The following KAT6B variants were observed in gnomAD, a reference collection of about 807,000 sequenced individuals.
KAT6B encodes lysine acetyltransferase 6B.
A neutral mutation model predicts 187.5 loss-of-function variants in KAT6B; 10 were observed. The ratio of observed to expected loss-of-function variants is 0.05; its 90% confidence interval spans 0.03 to 0.09. KAT6B has a LOEUF of 0.09. KAT6B is among the 10% of genes least tolerant of loss of function. KAT6B has a pLI of 1.00. For missense variants in KAT6B, 1,952 were observed against 2,558.9 expected, an observed-to-expected ratio of 0.76 and a Z score of 5.12; for synonymous variants, 861 against 926.8, an observed-to-expected ratio of 0.93 and a Z score of 1.29.
chr10:74,869,482 C>T (rs972665086), intron 3 of KAT6B, among the ~76,000 whole-genome samples: 1 of 152,090 alleles, frequency 6.6e-6, no homozygotes, highest in African/African-American at 2.4e-5. Context: ...TACAGGGTTT[C>T]GCCATGTTGG....
At chr10:74,986,456 A>G (rs1842817002) in intron 12 of KAT6B, among the ~76,000 whole-genome samples, 1 of 152,248 alleles carries the variant, frequency 6.6e-6, no homozygotes, top group African/African-American at 2.4e-5. Flanking sequence ...GCTTTATAGA[A>G]GTGCCATTTT....
intron 3 of KAT6B, among the ~76,000 whole-genome samples, chr10:74,916,501 T>C (rs1315295375): frequency 6.6e-6 from 1 of 152,224 alleles, no homozygotes; most frequent in Admixed American, 6.5e-5. Flanking sequence ...GAATTTCATG[T>C]ATTATGATTT....
intron 4 of KAT6B, 37 bp from the exon 5 acceptor site, chr10:74,969,623 C>A: frequency 8.1e-7 from 1 of 1,239,860 alleles, no homozygotes; most frequent in Non-Finnish European, 1.2e-6. Flanking sequence ...GTCAAAGGCA[C>A]CATTCCCATC....
intron 3 of KAT6B, among the ~76,000 whole-genome samples, chr10:74,949,685 TCCG>T: frequency 1.1e-5 from 1 of 93,846 alleles, no homozygotes; most frequent in African/African-American, 1.4e-4. Context: ...CTCGTCTTAC[TCCG>T]TTATGGCTAA....
Position 74,975,533 on chromosome 10 carries a change from T to C in KAT6B, c.1196T>C (p.Leu399Ser), listed in dbSNP as rs1039647483. The change falls in exon 8 of 18, where the codon TTG becomes TCG. Residue 399 changes from leucine to serine, a missense_variant. Physicochemically the swap from Leu to Ser is moderately radical, Grantham distance 145. Around this residue, in one of 9 missense-constraint regions of KAT6B, gnomAD observed 417 missense variants for 508.9 expected, o/e 0.82. Transcript: ENST00000287239. Reference protein sequence around the residue: ...AASGKDSSSRLAVTDPTRPGA... With the variant: ...AASGKDSSSRSAVTDPTRPGA... ...TCTGGGAAGGACTCAAGCAGCAGAT[T>C]GGCTGTTACAGACCCCACTCGGCCT... is the stretch of plus-strand genomic sequence containing the variant. 15 of 1,613,922 alleles carry C rather than the reference T, an allele frequency of 9.3e-6. No homozygotes were observed. The highest frequency in any genetic ancestry group is 1.2e-5 in the Non-Finnish European group (14 of 1,180,020).
chr10:74,998,638 T>C (rs1843620397), intron 13 of KAT6B, among the ~76,000 whole-genome samples: 2 of 152,202 alleles, frequency 1.3e-5, no homozygotes, highest in Non-Finnish European at 2.9e-5. Flanking sequence ...CTGAGAATTA[T>C]GTTCTGACCA....
chr10:74,830,030 CAAAA>C (rs1042612437), intron 1 of KAT6B, among the ~76,000 whole-genome samples: 3 of 132,590 alleles, frequency 2.3e-5, no homozygotes, highest in African/African-American at 5.9e-5. Context: ...AAAAAAAAAA[CAAAA>C]AAAAAAGAAA....
intron 13 of KAT6B, among the ~76,000 whole-genome samples, chr10:75,008,232 A>G (rs910761289): frequency 6.6e-6 from 1 of 152,152 alleles, no homozygotes; most frequent in African/African-American, 2.4e-5. Context: ...GCAGCATGAG[A>G]ACTGTTTTCC....
intron 3 of KAT6B, among the ~76,000 whole-genome samples, chr10:74,924,049 G>GA (rs1242756787): frequency 1.3e-5 from 2 of 152,232 alleles, no homozygotes; most frequent in East Asian, 3.9e-4. Context: ...CAGAGTGTTA[G>GA]AAAAAGAGAA....
chr10:74,975,946 A>G lies in KAT6B; in HGVS notation c.1609A>G (p.Asn537Asp), dbSNP rs1371851152. 2 of 1,614,026 alleles carry G rather than the reference A, an allele frequency of 1.2e-6. No homozygotes were observed. Among genetic ancestry groups the G allele is most frequent in the African/African-American group, 2.7e-5 (2 of 74,922 alleles). ...SVPSLSSLTTNSQLKALFDGL... is the reference protein window; with the variant it reads ...SVPSLSSLTTDSQLKALFDGL... ...GCCCTCCCTGAGCAGCCTTACCACTAACAGCCAGCTGAAGGCACTCTTTGA... is the reference window on the plus strand; with the variant it reads ...GCCCTCCCTGAGCAGCCTTACCACTGACAGCCAGCTGAAGGCACTCTTTGA... The change falls in exon 8 of 18, where the codon AAC becomes GAC. Residue 537 changes from asparagine to aspartate, a missense_variant. Physicochemically the swap from Asn to Asp is conservative, Grantham distance 23. Transcript: ENST00000287239.
chr10:74,924,847 G>T (rs1848376842), intron 3 of KAT6B, among the ~76,000 whole-genome samples: 2 of 151,924 alleles, frequency 1.3e-5, no homozygotes, highest in Middle Eastern at 3.4e-3. Flanking sequence ...GCTTCCTACT[G>T]CTCGGTGATG....
chr10:74,932,459 T>C (rs1848951287), intron 3 of KAT6B, among the ~76,000 whole-genome samples: 1 of 152,150 alleles, frequency 6.6e-6, no homozygotes, highest in Admixed American at 6.5e-5. Flanking sequence ...CAGCCTTGAC[T>C]CCTTTACCCC....
chr10:74,876,889 A>G (rs1396407708), intron 3 of KAT6B, among the ~76,000 whole-genome samples: 1 of 151,916 alleles, frequency 6.6e-6, no homozygotes, highest in Non-Finnish European at 1.5e-5. Flanking sequence ...CTCCAGCCTG[A>G]GTGACAGAGT....
At chr10:74,883,800 A>C (rs1845039339) in intron 3 of KAT6B, among the ~76,000 whole-genome samples, 1 of 152,100 alleles carries the variant, frequency 6.6e-6, no homozygotes, top group South Asian at 2.1e-4. Flanking sequence ...GCCCATCCTC[A>C]TCCAATTCTG....
At chr10:74,925,928 C>A (rs185795772) in intron 3 of KAT6B, among the ~76,000 whole-genome samples, 1 of 151,860 alleles carries the variant, frequency 6.6e-6, no homozygotes, top group Admixed American at 6.6e-5. Context: ...GTCGCATGTG[C>A]GTACAGCCCA....
At chr10:74,874,571 G>C (rs992242587) in intron 3 of KAT6B, among the ~76,000 whole-genome samples, 1 of 151,976 alleles carries the variant, frequency 6.6e-6, no homozygotes, top group Non-Finnish European at 1.5e-5. Context: ...GTAGAGACAG[G>C]GTTTCTACCA....
chr10:75,030,142 C>G lies in KAT6B; in HGVS notation c.5318C>G (p.Ala1773Gly). 1.2e-6 allele frequency: 2 copies of G among 1,614,242 alleles called. No homozygotes were observed. Among genetic ancestry groups the G allele is most frequent in the African/African-American group, 1.3e-5 (1 of 75,076 alleles). ...SQQLAQCSMA[A>G]NFTPPMQLAE... ...CAGCTGGCTCAGTGCAGCATGGCTG[C>G]TAACTTCACCCCACCCATGCAGCTG... is the stretch of plus-strand genomic sequence containing the variant. Residue 1773 changes from alanine to glycine, a missense_variant, in exon 18 of 18, where the codon GCT becomes GGT. By Grantham distance (60) the Ala-to-Gly change is moderately conservative. Transcript: ENST00000287239. This position sits in a 1 kb window ranked among gnomAD's most constrained non-coding sequence, Gnocchi z 4.8.
chr10:74,991,047 C>A (rs1843100739), intron 13 of KAT6B, among the ~76,000 whole-genome samples: 1 of 152,128 alleles, frequency 6.6e-6, no homozygotes, highest in South Asian at 2.1e-4. Context: ...TTGTTAAGAG[C>A]CAGCTCAAGA....
chr10:74,896,110 T>G (rs1845970201), intron 3 of KAT6B, among the ~76,000 whole-genome samples: 1 of 152,100 alleles, frequency 6.6e-6, no homozygotes, highest in African/African-American at 2.4e-5. Flanking sequence ...TCCTATAGCC[T>G]CTTAGGTACA....
Sources: gnomAD v4.1 joint callset for allele counts (sites outside exome capture counted in the v4.1 genomes callset) on GRCh38, gnomAD v4.1.1 for gene constraint, gnomAD v4.1.1 regional missense constraint, Gnocchi (gnomAD v3.1) non-coding constraint, MANE v1.5 for transcripts, NCBI Gene and HGNC (gene_info 2026-07-23, HGNC 2026-07-21) for gene names.